ZNF804B: variants seen among roughly 807,000 people sequenced by gnomAD.
The protein encoded by ZNF804B is zinc finger 804B.
In ZNF804B, 80 loss-of-function variants were observed where a neutral mutation model predicts 101.4. The observed-to-expected ratio is 0.79, with a 90% CI of 0.66 to 0.95. The LOEUF (loss-of-function observed/expected upper bound fraction) is 0.95. Ranked by LOEUF, ZNF804B falls within the 40% of genes least tolerant of loss-of-function variation. The pLI, the probability that ZNF804B is intolerant of heterozygous loss-of-function variation, is 0.00. For synonymous variants in ZNF804B, 622 were observed against 558.8 expected (o/e 1.11, Z -1.59); for missense variants, 1,673 against 1,561.9 (o/e 1.07, Z -1.20).
At chr7:88,952,163 TG>T (rs549951451) in intron 1 of ZNF804B, among the ~76,000 whole-genome samples, 126 of 151,894 alleles carry the variant, frequency 8.3e-4, no homozygotes, top group African/African-American at 2.8e-3. Flanking sequence ...AAAGTCCTAT[TG>T]GCTTTGTTGA....
At chr7:89,099,292 T>A (rs959287226) in intron 1 of ZNF804B, among the ~76,000 whole-genome samples, 1 of 151,992 alleles carries the variant, frequency 6.6e-6, no homozygotes, top group South Asian at 2.1e-4. Context: ...TTTGAAAGGA[T>A]GATCTAAGGA....
At chr7:89,057,977 G>A (rs940031321) in intron 1 of ZNF804B, among the ~76,000 whole-genome samples, 2 of 151,976 alleles carry the variant, frequency 1.3e-5, no homozygotes, top group African/African-American at 2.4e-5. Context: ...AACAACTGAG[G>A]CATTTATCAA....
chr7:89,216,088 G>C (rs1487883948), intron 1 of ZNF804B, among the ~76,000 whole-genome samples: 1 of 152,050 alleles, frequency 6.6e-6, no homozygotes, highest in African/African-American at 2.4e-5. Flanking sequence ...TGGATCATCT[G>C]AGGTGAGGAG....
At chr7:88,861,597 T>A (rs986751845) in intron 1 of ZNF804B, among the ~76,000 whole-genome samples, 3 of 152,192 alleles carry the variant, frequency 2.0e-5, no homozygotes, top group African/African-American at 7.2e-5. Context: ...TCTGTCACAT[T>A]TTCTACTGTG....
At chr7:89,104,276 T>C (rs1387179360) in intron 1 of ZNF804B, among the ~76,000 whole-genome samples, 1 of 152,066 alleles carries the variant, frequency 6.6e-6, no homozygotes, top group Non-Finnish European at 1.5e-5. Context: ...ATCTCTCCTC[T>C]TCAATTTCTT....
intron 1 of ZNF804B, among the ~76,000 whole-genome samples, chr7:88,875,737 A>T (rs537491593): frequency 6.6e-6 from 1 of 152,280 alleles, no homozygotes; most frequent in Non-Finnish European, 1.5e-5. Flanking sequence ...AGGTACAAGG[A>T]GGAACTGGTA....
At chr7:89,185,169 A>AT (rs1788357039) in intron 1 of ZNF804B, among the ~76,000 whole-genome samples, 1 of 152,244 alleles carries the variant, frequency 6.6e-6, no homozygotes, top group African/African-American at 2.4e-5. Flanking sequence ...AGCTTACCAT[A>AT]TATGTGAACA....
At chr7:88,828,103 C>T (rs1791074409) in intron 1 of ZNF804B, among the ~76,000 whole-genome samples, 1 of 152,058 alleles carries the variant, frequency 6.6e-6, no homozygotes, top group Non-Finnish European at 1.5e-5. Flanking sequence ...TGCCAAAGTC[C>T]TTACTATGGC....
intron 1 of ZNF804B, among the ~76,000 whole-genome samples, chr7:89,084,032 C>G (rs1789737005): frequency 1.3e-5 from 2 of 151,900 alleles, no homozygotes. Flanking sequence ...ACAAAGATAT[C>G]TAGACAGGAT....
At chr7:89,257,214 T>G (rs990261291) in intron 2 of ZNF804B, among the ~76,000 whole-genome samples, 1 of 152,168 alleles carries the variant, frequency 6.6e-6, no homozygotes, top group African/African-American at 2.4e-5. Flanking sequence ...TCCCTCAGTT[T>G]TGTAGTGACT....
chr7:89,319,117 G>A (rs979877748), intron 2 of ZNF804B, among the ~76,000 whole-genome samples: 4 of 152,104 alleles, frequency 2.6e-5, no homozygotes, highest in East Asian at 3.9e-4. Context: ...CCTTGCCCTC[G>A]TTCCTGTAAA....
At chr7:89,209,596 G>A (rs1788772269) in intron 1 of ZNF804B, among the ~76,000 whole-genome samples, 1 of 152,130 alleles carries the variant, frequency 6.6e-6, no homozygotes, top group Non-Finnish European at 1.5e-5. Context: ...AAAAAAGATT[G>A]TTCTAAAAGT....
intron 1 of ZNF804B, among the ~76,000 whole-genome samples, chr7:88,825,907 G>A (rs1791044668): frequency 6.6e-6 from 1 of 152,078 alleles, no homozygotes; most frequent in Admixed American, 6.6e-5. Flanking sequence ...CTAAGATGGT[G>A]AAATATAGAA....
intron 1 of ZNF804B, among the ~76,000 whole-genome samples, chr7:89,061,577 A>G (rs754073892): frequency 1.8e-4 from 28 of 152,144 alleles, no homozygotes; most frequent in Non-Finnish European, 3.5e-4. Flanking sequence ...ACTATTGTGG[A>G]TAAGAGCAGG....
rs954994487 is a variant in ZNF804B, at chr7:89,336,532, G to T, written c.3550G>T (p.Ala1184Ser). 6.2e-7 allele frequency: 1 copy of T among 1,614,040 alleles called. No individual in the cohort carries two copies. The highest frequency in any genetic ancestry group is 8.5e-7 in the Non-Finnish European group (1 of 1,180,024). Residue 1184 changes from alanine (A) to serine (S), a missense_variant, in exon 4 of 4, where the codon GCA (alanine) becomes TCA (serine). Ala to Ser is a moderately conservative substitution (Grantham distance 99). Transcript: ENST00000333190. Reference protein sequence around the residue: ...LSKHLRVLPAAGPTAFSPAST... With the variant: ...LSKHLRVLPASGPTAFSPAST... ...AAAGCATCTTCGAGTTTTGCCTGCTGCAGGGCCTACTGCCTTCTCTCCGGC... is the reference window on the plus strand; with the variant it reads ...AAAGCATCTTCGAGTTTTGCCTGCTTCAGGGCCTACTGCCTTCTCTCCGGC...
intron 1 of ZNF804B, among the ~76,000 whole-genome samples, chr7:89,179,198 T>G (rs1182524056): frequency 1.3e-5 from 2 of 152,208 alleles, no homozygotes; most frequent in South Asian, 2.1e-4. Flanking sequence ...GATATTGATA[T>G]CTTTCTCTAG....
intron 2 of ZNF804B, among the ~76,000 whole-genome samples, chr7:89,268,645 A>T (rs1052645865): frequency 3.3e-5 from 5 of 151,798 alleles, no homozygotes; most frequent in Admixed American, 3.3e-4. Context: ...ATGGGATTCA[A>T]CATTTTTCCT....
chr7:88,859,394 C>G (rs996053024), intron 1 of ZNF804B, among the ~76,000 whole-genome samples: 1 of 151,954 alleles, frequency 6.6e-6, no homozygotes. Flanking sequence ...AGGGCACAAG[C>G]TTTTCTCTAA....
chr7:88,776,780 A>ACCCCCCCCCCCCCC (rs10707553), intron 1 of ZNF804B, among the ~76,000 whole-genome samples: 4 of 83,492 alleles, frequency 4.8e-5, no homozygotes, highest in Non-Finnish European at 9.7e-5. Flanking sequence ...TAACCCATAA[A>ACCCCCCCCCCCCCC]CCCCCCCCCC....
Sources: allele counts gnomAD v4.1 joint callset (sites outside exome capture counted in the v4.1 genomes callset), GRCh38; gene constraint gnomAD v4.1.1; transcripts MANE v1.5; gene names NCBI Gene and HGNC (gene_info 2026-07-23, HGNC 2026-07-21).